SEM1: variants seen among roughly 807,000 people sequenced by gnomAD.
The protein encoded by SEM1 is SEM1 26S proteasome subunit.
Under a neutral mutation model 12.7 loss-of-function variants are expected in SEM1, and 3 were observed. That is an observed-to-expected ratio of 0.24 (90% CI 0.11 to 0.61). The LOEUF (loss-of-function observed/expected upper bound fraction) is 0.61. SEM1 is among the 20% of genes least tolerant of loss of function. SEM1 has a pLI of 0.88. For synonymous variants in SEM1, 30 were observed against 27.8 expected (o/e 1.08, Z -0.25); for missense variants, 59 against 81.3 (o/e 0.73, Z 1.06).
At position 96,700,309 on chromosome 7, in the gene SEM1, C is replaced by T. The variant is rs115827744; in HGVS notation, c.77-5418G>A. On this transcript the variant is annotated intron_variant, in intron 1 of 2. Coordinates refer to ENST00000248566, the MANE Select transcript of SEM1 (RefSeq NM_006304.2). ...CAATTTCCACCAAACATTACATGTACACCAGAGTACACAACCAGACAAAGG... is the reference window on the plus strand; with the variant it reads ...CAATTTCCACCAAACATTACATGTATACCAGAGTACACAACCAGACAAAGG... Among the ~76,000 whole-genome samples the T allele has an allele frequency of 8.7e-3, 1,329 of 152,250 alleles. 16 individuals carry two copies. Among genetic ancestry groups the T allele is most frequent in the African/African-American group, 0.03 (1,266 of 41,538 alleles).
intron 2 of SEM1, among the ~76,000 whole-genome samples, chr7:96,678,142 A>G (rs1789505136): frequency 6.6e-6 from 1 of 152,172 alleles, no homozygotes; most frequent in Non-Finnish European, 1.5e-5. Context: ...TTCCATATTC[A>G]AAATTGGTGA....
At chr7:96,516,895 A>G (rs1045158983) in intron 2 of SEM1, among the ~76,000 whole-genome samples, 1 of 152,192 alleles carries the variant, frequency 6.6e-6, no homozygotes, top group African/African-American at 2.4e-5. Context: ...TCAGTATTAA[A>G]AAGAAACGAG....
intron 2 of SEM1, among the ~76,000 whole-genome samples, chr7:96,580,721 T>C (rs945062663): frequency 7.8e-4 from 118 of 152,078 alleles, no homozygotes; most frequent in South Asian, 4.2e-4. Flanking sequence ...TGATGGCCAG[T>C]GATGGTGAGC....
chr7:96,526,703 G>A (rs1308789671), intron 2 of SEM1, among the ~76,000 whole-genome samples: 1 of 152,042 alleles, frequency 6.6e-6, no homozygotes, highest in Non-Finnish European at 1.5e-5. Context: ...GTGATGAGAA[G>A]CTGCACATGA....
intron 2 of SEM1, among the ~76,000 whole-genome samples, chr7:96,692,622 G>C (rs573170572): frequency 1.3e-5 from 2 of 151,938 alleles, no homozygotes; most frequent in Non-Finnish European, 2.9e-5. Flanking sequence ...TCTGATCCTC[G>C]AAATAAACTG....
intron 2 of SEM1, among the ~76,000 whole-genome samples, chr7:96,531,606 GAAAAAA>G (rs5885966): frequency 7.7e-6 from 1 of 129,768 alleles, no homozygotes; most frequent in Non-Finnish European, 1.6e-5. Context: ...ACTCTGTGTG[GAAAAAA>G]AAAAAAAAAA....
chr7:96,516,128 G>T (rs1804088761), intron 2 of SEM1, among the ~76,000 whole-genome samples: 1 of 151,902 alleles, frequency 6.6e-6, no homozygotes, highest in South Asian at 2.1e-4. Context: ...AATGGAAAGT[G>T]CAAAAGTATA....
intron 2 of SEM1, among the ~76,000 whole-genome samples, chr7:96,553,903 TC>T (rs1327638906): frequency 6.6e-6 from 1 of 152,186 alleles, no homozygotes; most frequent in Non-Finnish European, 1.5e-5. Context: ...CTTGAAGAGG[TC>T]CTTCACATCC....
At chr7:96,703,077 T>C (rs541937827) in intron 1 of SEM1, among the ~76,000 whole-genome samples, 1 of 152,334 alleles carries the variant, frequency 6.6e-6, no homozygotes, top group South Asian at 2.1e-4. Flanking sequence ...GTGGGTTAGA[T>C]CATACAGGTT....
downstream of SEM1, chr7:96,673,101 T>A (rs1336319808): frequency 6.6e-6 from 1 of 152,162 alleles, no homozygotes; most frequent in Non-Finnish European, 1.5e-5. Context: ...TTCTAATTTT[T>A]ATTTTTATTT....
chr7:96,575,128 T>C (rs1438164572), intron 2 of SEM1, among the ~76,000 whole-genome samples: 2 of 152,194 alleles, frequency 1.3e-5, no homozygotes, highest in Non-Finnish European at 2.9e-5. Flanking sequence ...TTGATGTTGG[T>C]GACCTTCAAG....
At chr7:96,601,990 T>C (rs1324203477) in intron 2 of SEM1, among the ~76,000 whole-genome samples, 3 of 152,302 alleles carry the variant, frequency 2.0e-5, no homozygotes, top group Non-Finnish European at 4.4e-5. Context: ...CTGAGAATGA[T>C]ACTGCCATCA....
rs1027485842 is a variant in SEM1, at chr7:96,580,813, GGTT to G, written c.171-74118_171-74116del. ...ATGTCCTTCGCCCACTTTTTGATGG[GGTT>G]GTTTGTTTTTTCTCATAAATTTGTT... On this transcript the variant is annotated intron_variant and NMD_transcript_variant, in intron 2 of 3. Coordinates refer to the SEM1 transcript ENST00000466986. Among the ~76,000 whole-genome samples, 305 of 152,148 alleles carry G rather than the reference GGTT, an allele frequency of 2.0e-3. 1 individual carries two copies. Among genetic ancestry groups the G allele is most frequent in the African/African-American group, 7.3e-3 (301 of 41,500 alleles).
At chr7:96,546,492 G>A (rs1166766242) in intron 2 of SEM1, among the ~76,000 whole-genome samples, 1 of 152,030 alleles carries the variant, frequency 6.6e-6, no homozygotes, top group Admixed American at 6.6e-5. Context: ...ATCATTTTCA[G>A]TACCTACCTC....
intron 2 of SEM1, among the ~76,000 whole-genome samples, chr7:96,601,557 G>C (rs1362799121): frequency 6.6e-6 from 1 of 152,068 alleles, no homozygotes. Flanking sequence ...GGAGACCCTG[G>C]GGCTGGAGTG....
At chr7:96,589,299 C>T (rs1219066180) in intron 2 of SEM1, among the ~76,000 whole-genome samples, 1 of 152,212 alleles carries the variant, frequency 6.6e-6, no homozygotes, top group Non-Finnish European at 1.5e-5. Context: ...GTACTCAACC[C>T]ACTGGGAGTG....
At chr7:96,504,161 A>C (rs1334151413) in intron 3 of SEM1, among the ~76,000 whole-genome samples, 1 of 152,148 alleles carries the variant, frequency 6.6e-6, no homozygotes, top group Non-Finnish European at 1.5e-5. Context: ...TCTGAAGTCC[A>C]TCTCAGCACC....
At chr7:96,599,321 G>C (rs1807116767) in intron 2 of SEM1, among the ~76,000 whole-genome samples, 1 of 152,106 alleles carries the variant, frequency 6.6e-6, no homozygotes, top group Non-Finnish European at 1.5e-5. Flanking sequence ...AAACTGAAGG[G>C]ACAGAGGACT....
intron 2 of SEM1, among the ~76,000 whole-genome samples, chr7:96,516,728 T>C (rs1267886239): frequency 1.3e-5 from 2 of 152,182 alleles, no homozygotes; most frequent in Non-Finnish European, 2.9e-5. Context: ...AATCACACTC[T>C]GGTATTTATC....
Sources: gnomAD v4.1 joint callset for allele counts (sites outside exome capture counted in the v4.1 genomes callset) on GRCh38, gnomAD v4.1.1 for gene constraint, MANE v1.5 for transcripts, NCBI Gene and HGNC (gene_info 2026-07-23, HGNC 2026-07-21) for gene names.